Variants in PCDH15 observed in about 807,000 individuals in gnomAD.
The protein encoded by PCDH15 is protocadherin related 15.
PCDH15 carries 129 observed loss-of-function variants against 178.5 expected under a neutral mutation model. That is an observed-to-expected ratio of 0.72 (90% CI 0.63 to 0.84). The LOEUF (loss-of-function observed/expected upper bound fraction) is 0.84, where lower values mean the gene tolerates loss of function less well. Ranked by LOEUF, PCDH15 falls within the 40% of genes least tolerant of loss-of-function variation. PCDH15 has a pLI of 0.00. For missense variants in PCDH15, 2,230 were observed against 2,099.9 expected (o/e 1.06, Z -1.21); for synonymous variants, 800 against 732.0 (o/e 1.09, Z -1.50).
At chr10:54,335,051 C>T (rs991003504) in intron 6 of PCDH15, among the ~76,000 whole-genome samples, 1 of 152,148 alleles carries the variant, frequency 6.6e-6, no homozygotes, top group African/African-American at 2.4e-5. Flanking sequence ...GCTACTGTGC[C>T]ATCAGCTGCT....
intron 2 of PCDH15, among the ~76,000 whole-genome samples, chr10:55,584,077 T>C (rs1842676882): frequency 6.6e-6 from 1 of 151,896 alleles, no homozygotes; most frequent in South Asian, 2.1e-4. Context: ...AGATATGAGG[T>C]CTCACTATAT....
At chr10:54,389,784 C>CAAAA (rs35298368) in intron 3 of PCDH15, among the ~76,000 whole-genome samples, 5 of 70,008 alleles carry the variant, frequency 7.1e-5, no homozygotes, top group African/African-American at 1.9e-4. Context: ...AATAAAAATA[C>CAAAA]AAAAAAAAAA....
chr10:54,777,307 T>C (rs1326011299), intron 1 of PCDH15, among the ~76,000 whole-genome samples: 10 of 152,182 alleles, frequency 6.6e-5, no homozygotes, highest in Admixed American at 6.5e-4. Flanking sequence ...TACTTGACCA[T>C]AGCCATAGTG....
At chr10:54,698,895 T>C (rs2095270508) in intron 1 of PCDH15, among the ~76,000 whole-genome samples, 3 of 152,138 alleles carry the variant, frequency 2.0e-5, no homozygotes. Flanking sequence ...AGTAAAGCAG[T>C]CTTTGATAAT....
At chr10:54,042,240 C>T (rs868682118) in intron 18 of PCDH15, among the ~76,000 whole-genome samples, 19 of 152,164 alleles carry the variant, frequency 1.2e-4, no homozygotes, top group Middle Eastern at 6.8e-3. Flanking sequence ...CTACTCTCTC[C>T]ATTTCATAGC....
At chr10:54,975,078 C>T (rs1342661465) in intron 2 of PCDH15, among the ~76,000 whole-genome samples, 3 of 152,156 alleles carry the variant, frequency 2.0e-5, no homozygotes, top group Non-Finnish European at 4.4e-5. Context: ...CAGTGAACAC[C>T]TTGAGCACTT....
At chr10:55,317,791 A>G (rs1843765452) in intron 1 of PCDH15, among the ~76,000 whole-genome samples, 1 of 152,132 alleles carries the variant, frequency 6.6e-6, no homozygotes, top group East Asian at 1.9e-4. Context: ...GATGGGGAAA[A>G]GTAAAGACAG....
At chr10:54,052,447 A>G (rs1299628374) in intron 18 of PCDH15, among the ~76,000 whole-genome samples, 1 of 152,198 alleles carries the variant, frequency 6.6e-6, no homozygotes, top group Non-Finnish European at 1.5e-5. Context: ...TTAAGGTTTA[A>G]TGACTGCCCT....
chr10:54,977,810 T>C (rs1446126732), intron 2 of PCDH15, among the ~76,000 whole-genome samples: 3 of 152,192 alleles, frequency 2.0e-5, no homozygotes, highest in Admixed American at 2.0e-4. Flanking sequence ...TACAGTGTCC[T>C]TTTGTATTTG....
chr10:55,530,933 T>C (rs1841438374), intron 2 of PCDH15, among the ~76,000 whole-genome samples: 1 of 152,012 alleles, frequency 6.6e-6, no homozygotes, highest in Non-Finnish European at 1.5e-5. Flanking sequence ...AGTGATGCCA[T>C]GCTGGTAACT....
At chr10:54,715,212 T>G (rs2095466167) in intron 1 of PCDH15, among the ~76,000 whole-genome samples, 1 of 152,134 alleles carries the variant, frequency 6.6e-6, no homozygotes, top group Admixed American at 6.6e-5. Context: ...ATATAGAAAT[T>G]ATTTGAATAG....
chr10:54,412,232 ATCT>A (rs970176722), intron 3 of PCDH15, among the ~76,000 whole-genome samples: 17 of 149,490 alleles, frequency 1.1e-4, no homozygotes, highest in African/African-American at 3.9e-4. Flanking sequence ...AAAAATATAC[ATCT>A]TCTTAAATAT....
intron 26 of PCDH15, among the ~76,000 whole-genome samples, chr10:53,869,485 C>G (rs1441100687): frequency 6.6e-6 from 1 of 152,166 alleles, no homozygotes; most frequent in East Asian, 1.9e-4. Flanking sequence ...ATATTATTCT[C>G]TATCTTCTTA....
At chr10:55,579,905 G>A (rs1564463926) in intron 2 of PCDH15, among the ~76,000 whole-genome samples, 1 of 152,106 alleles carries the variant, frequency 6.6e-6, no homozygotes, top group Non-Finnish European at 1.5e-5. Context: ...TGTCCAGGCT[G>A]GAGTGCAATG....
intron 2 of PCDH15, among the ~76,000 whole-genome samples, chr10:54,597,128 A>C (rs377253393): frequency 2.0e-5 from 3 of 152,288 alleles, no homozygotes; most frequent in African/African-American, 7.2e-5. Flanking sequence ...TGTTCATCAA[A>C]AAACAACATA....
At chr10:54,873,097 T>C (rs1210863921) in intron 3 of PCDH15, among the ~76,000 whole-genome samples, 2 of 152,156 alleles carry the variant, frequency 1.3e-5, no homozygotes, top group Non-Finnish European at 2.9e-5. Flanking sequence ...CTCAAACAAA[T>C]AGTAAATTTG....
At chr10:55,279,079 G>A (rs1427757783) in intron 1 of PCDH15, among the ~76,000 whole-genome samples, 3 of 152,114 alleles carry the variant, frequency 2.0e-5, no homozygotes, top group African/African-American at 7.2e-5. Flanking sequence ...TCTAAGCTTC[G>A]ATGCCCGAGA....
intron 28 of PCDH15, among the ~76,000 whole-genome samples, chr10:53,846,586 T>TAAAC (rs930000864): frequency 6.6e-6 from 1 of 151,984 alleles, no homozygotes; most frequent in African/African-American, 2.4e-5. Context: ...AGGGTGTCAA[T>TAAAC]AAACAATTGG....
chr10:54,870,815 A>T (rs1403234421), intron 3 of PCDH15, among the ~76,000 whole-genome samples: 2 of 151,786 alleles, frequency 1.3e-5, no homozygotes, highest in Non-Finnish European at 2.9e-5. Context: ...AAAATAAAAA[A>T]AAAATCCACG....
Sources: gnomAD v4.1 joint callset for allele counts (sites outside exome capture counted in the v4.1 genomes callset) on GRCh38, gnomAD v4.1.1 for gene constraint, MANE v1.5 for transcripts, NCBI Gene and HGNC (gene_info 2026-07-23, HGNC 2026-07-21) for gene names.